RERG: variants seen among roughly 807,000 people sequenced by gnomAD.
The protein encoded by RERG is ras-related and estrogen-regulated growth inhibitor.
A neutral mutation model predicts 23.2 loss-of-function variants in RERG; 25 were observed. That is an observed-to-expected ratio of 1.08 (90% CI 0.79 to 1.50). The LOEUF (loss-of-function observed/expected upper bound fraction) is 1.50, where lower values mean the gene tolerates loss of function less well. Among genes scored for constraint, RERG ranks in the 40% most tolerant of loss-of-function variants. The pLI, the probability that RERG is intolerant of heterozygous loss-of-function variation, is 0.00. For synonymous variants in RERG, 81 were observed against 89.1 expected (o/e 0.91, Z 0.51); for missense variants, 253 against 250.1 (o/e 1.01, Z -0.08).
chr12:15,178,114 T>C (rs912399678), intron 2 of RERG, among the ~76,000 whole-genome samples: 1 of 152,104 alleles, frequency 6.6e-6, no homozygotes, highest in African/African-American at 2.4e-5. Flanking sequence ...TAGAAAGCCA[T>C]GTGCTATAAT....
intron 2 of RERG, among the ~76,000 whole-genome samples, chr12:15,169,147 G>A (rs964766257): frequency 8.5e-5 from 13 of 152,310 alleles, no homozygotes; most frequent in Middle Eastern, 6.8e-3. Flanking sequence ...GATCGAGGAG[G>A]TGAAGTTTAA....
At chr12:15,211,720 G>C (rs1033025115) in intron 2 of RERG, among the ~76,000 whole-genome samples, 31 of 152,138 alleles carry the variant, frequency 2.0e-4, no homozygotes, top group Admixed American at 1.3e-4. Flanking sequence ...TGAGGGGATG[G>C]ACATGCTAAT....
chr12:15,150,182 T>A (rs1186327462), intron 2 of RERG, among the ~76,000 whole-genome samples: 3 of 152,234 alleles, frequency 2.0e-5, no homozygotes, highest in African/African-American at 4.8e-5. Flanking sequence ...GATGCAGTGA[T>A]GATATCTCAG....
chr12:15,194,865 C>T (rs1244592035), intron 2 of RERG, among the ~76,000 whole-genome samples: 1 of 151,988 alleles, frequency 6.6e-6, no homozygotes, highest in Non-Finnish European at 1.5e-5. Flanking sequence ...TCCACAACCA[C>T]GTCAATATCC....
At chr12:15,125,527 C>G (rs1381639789) in intron 2 of RERG, among the ~76,000 whole-genome samples, 3 of 151,892 alleles carry the variant, frequency 2.0e-5, no homozygotes, top group African/African-American at 7.2e-5. Context: ...CTTACCTTGA[C>G]CAGCAAAATT....
chr12:15,178,744 ACAACCTC>A (rs1864885713), intron 2 of RERG, among the ~76,000 whole-genome samples: 1 of 152,210 alleles, frequency 6.6e-6, no homozygotes, highest in Admixed American at 6.5e-5. Context: ...TTGTACAGGA[ACAACCTC>A]CAAGTTCCTC....
At chr12:15,168,612 T>C (rs1864730579) in intron 2 of RERG, among the ~76,000 whole-genome samples, 1 of 152,220 alleles carries the variant, frequency 6.6e-6, no homozygotes, top group Non-Finnish European at 1.5e-5. Flanking sequence ...TAGTTTGCCC[T>C]GGACTGTGTC....
intron 2 of RERG, among the ~76,000 whole-genome samples, chr12:15,212,107 C>T (rs1242634727): frequency 3.9e-5 from 5 of 128,656 alleles, no homozygotes; most frequent in African/African-American, 1.2e-4. Context: ...GGCCGGACTG[C>T]GGACTGCAGT....
Position 15,109,090 on chromosome 12 carries a change from G to A in RERG, c.*20C>T, listed in dbSNP as rs775791884. 8.5e-6 allele frequency: 13 copies of A among 1,536,944 alleles called. No homozygotes were observed. Among genetic ancestry groups the A allele is most frequent in the Middle Eastern group, 1.8e-4 (1 of 5,430 alleles). On this transcript the variant is annotated 3_prime_UTR_variant, in exon 5 of 5. Coordinates refer to ENST00000256953, the MANE Select transcript of RERG (RefSeq NM_032918.3). ...GGGGAAGAGTGTTTCCAATTAGTTG[G>A]TCCACCTCAGCTGGGCTGCCTAACT...
intron 2 of RERG, among the ~76,000 whole-genome samples, chr12:15,147,026 C>G (rs16910645): frequency 0.041 from 6,231 of 150,354 alleles, 185 homozygotes; most frequent in African/African-American, 0.07. Flanking sequence ...CATTCTAAAG[C>G]TTTTGATTGT....
At chr12:15,212,449 T>C (rs949316647) in intron 2 of RERG, among the ~76,000 whole-genome samples, 9 of 152,228 alleles carry the variant, frequency 5.9e-5, no homozygotes, top group Non-Finnish European at 8.8e-5. Context: ...AACATAGATA[T>C]ATTAGGGATT....
intron 2 of RERG, among the ~76,000 whole-genome samples, chr12:15,123,249 A>G (rs1240342070): frequency 6.6e-6 from 1 of 152,118 alleles, no homozygotes; most frequent in Non-Finnish European, 1.5e-5. Context: ...AAATATTTAA[A>G]AAATGTATTA....
intron 2 of RERG, among the ~76,000 whole-genome samples, chr12:15,215,030 A>G (rs1865421384): frequency 6.6e-6 from 1 of 152,256 alleles, no homozygotes; most frequent in Non-Finnish European, 1.5e-5. Context: ...TATAGATGAC[A>G]GACAAAAAGG....
chr12:15,158,895 A>C (rs10772840), intron 2 of RERG, among the ~76,000 whole-genome samples: 115,291 of 151,938 alleles, frequency 0.76, 43,765 homozygotes, highest in East Asian at 0.8. Context: ...GAATTTTCCA[A>C]TGTAAAGTTA....
At chr12:15,211,821 A>C (rs1445042104) in intron 2 of RERG, among the ~76,000 whole-genome samples, 1 of 152,194 alleles carries the variant, frequency 6.6e-6, no homozygotes, top group African/African-American at 2.4e-5. Context: ...TCAACTAAAA[A>C]TAAAACAAAA....
At chr12:15,163,930 AG>A (rs1247433916) in intron 2 of RERG, among the ~76,000 whole-genome samples, 2 of 152,160 alleles carry the variant, frequency 1.3e-5, no homozygotes, top group Non-Finnish European at 2.9e-5. Flanking sequence ...AGGAGAGTGG[AG>A]AGAGGAGAGA....
intron 2 of RERG, among the ~76,000 whole-genome samples, chr12:15,138,654 TA>T (rs1240338063): frequency 6.6e-6 from 1 of 152,048 alleles, no homozygotes; most frequent in Non-Finnish European, 1.5e-5. Context: ...TAAATTAGTT[TA>T]TTTTTTTCTT....
At chr12:15,208,368 T>C (rs1865321124) in intron 2 of RERG, among the ~76,000 whole-genome samples, 1 of 152,172 alleles carries the variant, frequency 6.6e-6, no homozygotes, top group African/African-American at 2.4e-5. Flanking sequence ...TTCCTGTCAC[T>C]GGAGACAGTC....
At chr12:15,206,291 A>G (rs1480194303) in intron 2 of RERG, among the ~76,000 whole-genome samples, 1 of 152,004 alleles carries the variant, frequency 6.6e-6, no homozygotes, top group South Asian at 2.1e-4. Context: ...CCCACAGAAT[A>G]TTTTTTTACT....
Sources: gnomAD v4.1 joint callset for allele counts (sites outside exome capture counted in the v4.1 genomes callset) on GRCh38, gnomAD v4.1.1 for gene constraint, MANE v1.5 for transcripts, NCBI Gene and HGNC (gene_info 2026-07-23, HGNC 2026-07-21) for gene names.